MUC12: variants seen among roughly 807,000 people sequenced by gnomAD.
The protein encoded by MUC12 is mucin 12, cell surface associated, also known as mucin-12.
MUC12 carries 172 observed loss-of-function variants against 230.8 expected under a neutral mutation model. The ratio of observed to expected loss-of-function variants is 0.75; its 90% CI spans 0.66 to 0.85. The LOEUF (loss-of-function observed/expected upper bound fraction) is 0.85, where lower values mean the gene tolerates loss of function less well. MUC12 is among the 40% of genes least tolerant of loss of function. The pLI, the probability that MUC12 is intolerant of heterozygous loss-of-function variation, is 0.00. For missense variants in MUC12, 3,506 were observed against 5,920.6 expected, an observed-to-expected ratio of 0.59 and a Z score of 13.38; for synonymous variants, 1,259 against 2,401.9, an observed-to-expected ratio of 0.52 and a Z score of 13.91.
intron 1 of MUC12, among the ~76,000 whole-genome samples, chr7:100,973,407 G>GATGGGTCCAGTGCC (rs1466771915): frequency 1.5e-5 from 1 of 66,738 alleles, no homozygotes; most frequent in Non-Finnish European, 3.0e-5. Flanking sequence ...GGGCTTCTAG[G>GATGGGTCCAGTGCC]ATGGGTCCAG....
At chr7:100,980,037 T>G (rs995414490) in intron 1 of MUC12, among the ~76,000 whole-genome samples, 2 of 151,576 alleles carry the variant, frequency 1.3e-5, no homozygotes, top group African/African-American at 4.8e-5. Flanking sequence ...CTCTTTTTTT[T>G]TTTTCGTTGT....
Position 101,005,160 on chromosome 7 carries a change from C to G in MUC12, c.14597C>G (p.Ser4866Cys). ...SPGSTETTAFSHSNTMSIHSQ... is the reference protein window; with the variant it reads ...SPGSTETTAFCHSNTMSIHSQ... ...GGCTCAACTGAAACCACAGCGTTTT[C>G]TCACAGCAACACAATGTCCATTCAT... Residue 4866 changes from serine to cysteine, a missense_variant, in exon 2 of 12, where the codon TCT (serine) becomes TGT (cysteine). By Grantham distance (112) the Ser-to-Cys change is moderately radical. Transcript: ENST00000536621. The G allele has an allele frequency of 6.5e-7, 1 of 1,537,980 alleles. No individual in the cohort carries two copies. The highest frequency in any genetic ancestry group is 8.7e-7 in the Non-Finnish European group (1 of 1,147,076).
Position 100,991,534 on chromosome 7 carries a change from T to C in MUC12, c.971T>C (p.Leu324Ser), listed in dbSNP as rs879025690. Residue 324 changes from leucine (L) to serine (S), a missense_variant, in exon 2 of 12, where the codon TTG (leucine) becomes TCG (serine). Transcript: ENST00000536621. ...CACTTTTCTGCCAGCTCCACAACCT[T>C]GGGCCATAGTGAGGAATCGACACCA... The part of the protein sequence containing the change: ...TTHFSASSTT[L>S]GHSEESTPVH... The C allele has an allele frequency of 1.7e-5, 26 of 1,536,528 alleles. No homozygotes were observed. In the Admixed American group the frequency reaches 3.7e-4, roughly 22 times the overall value.
In MUC12 at chr7:101,004,528, T is replaced by C. The variant is rs1328541405; in HGVS notation, c.13965T>C (p.Pro4655=). The change falls in exon 2 of 12, where the codon CCT becomes CCC. Residue 4655 remains proline, a synonymous_variant. Coordinates refer to ENST00000536621, the MANE Select transcript of MUC12 (RefSeq NM_001164462.2). The part of the protein sequence containing the change: ...PSTTSALVEE[P]TSYHSSPGSI... ...CCACATCTGCCCTTGTTGAAGAACC[T>C]ACCAGCTACCACAGCAGCCCGGGCT... The C allele has an allele frequency of 5.9e-6, 9 of 1,535,834 alleles. No individual in the cohort carries two copies. In the East Asian group the frequency reaches 1.5e-4, roughly 25 times the overall value.
rs759563737 is a variant in MUC12, at chr7:100,990,821, C to A, written c.258C>A (p.Ser86Arg). The change falls in exon 2 of 12, where the codon AGC becomes AGA. Residue 86 changes from serine (S) to arginine (R), a missense_variant. By Grantham distance (110) the Ser-to-Arg change is moderately radical. Transcript: ENST00000536621. The part of the protein sequence containing the change: ...GHSEESTVSH[S>R]GPGATGTTLF... ...GTGAGGAATCAACAGTATCCCACAG[C>A]GGCCCAGGTGCAACTGGAACAACAC... The A allele has an allele frequency of 4.6e-6, 7 of 1,537,840 alleles. No homozygotes were observed. Among genetic ancestry groups the A allele is most frequent in the Non-Finnish European group, 6.1e-6 (7 of 1,147,038 alleles).
intron 1 of MUC12, among the ~76,000 whole-genome samples, chr7:100,975,680 C>G (rs1453408929): frequency 1.4e-5 from 1 of 69,822 alleles, no homozygotes; most frequent in African/African-American, 5.1e-5. Flanking sequence ...GGCCCTTCCA[C>G]CTGGGCTGAT....
intron 1 of MUC12, 33 bp downstream of exon 1, chr7:100,969,722 G>A (rs1792809126): frequency 3.3e-6 from 5 of 1,537,214 alleles, no homozygotes; most frequent in Non-Finnish European, 4.4e-6. Context: ...TCCAGGTCCA[G>A]TGCTCCTGGG....
intron 1 of MUC12, among the ~76,000 whole-genome samples, chr7:100,986,220 T>C (rs1363087323): frequency 6.6e-6 from 1 of 151,842 alleles, no homozygotes; most frequent in African/African-American, 2.4e-5. Flanking sequence ...TTAAAATTAG[T>C]GGGGCATGGT....
chr7:101,002,792 T>C lies in MUC12; in HGVS notation c.12229T>C (p.Ser4077Pro), dbSNP rs747488346. ...CACAAGCACTGGCCTTCAGGAAGAA[T>C]CTACCACTTTCCAGAGCTGGCCAAG... ...SSTSTGLQEESTTFQSWPSSS... is the reference protein window; with the variant it reads ...SSTSTGLQEEPTTFQSWPSSS... Residue 4077 changes from serine (S) to proline (P), a missense_variant, in exon 2 of 12, where the codon TCT (serine) becomes CCT (proline). By Grantham distance (74) the Ser-to-Pro change is moderately conservative. Transcript: ENST00000536621. 3 of 1,178,552 alleles carry C rather than the reference T, an allele frequency of 2.5e-6. No homozygotes were observed. Among genetic ancestry groups the C allele is most frequent in the Admixed American group, 2.2e-5 (1 of 44,702 alleles). The allele number at this position is 1,178,552 out of a possible 1,614,324, so 73.0% of individuals were successfully genotyped here. A position where few individuals can be genotyped will look rare whatever the true frequency, so the allele number is the denominator to read the frequency against.
At chr7:101,014,096 C>T (rs748540614) in intron 9 of MUC12, 22 bp downstream of exon 9, 92 of 1,514,172 alleles carry the variant, frequency 6.1e-5, no homozygotes, top group East Asian at 5.7e-4. Flanking sequence ...AGGCCAGCAC[C>T]GCAGGCCCAC....
At chr7:100,989,160 G>A (rs1003175055) in intron 1 of MUC12, among the ~76,000 whole-genome samples, 7 of 148,696 alleles carry the variant, frequency 4.7e-5, no homozygotes, top group African/African-American at 1.7e-4. Flanking sequence ...GAGTGCAGTG[G>A]TGCGATCTCA....
In MUC12 at chr7:101,005,169, A is replaced by G; in HGVS notation, c.14606A>G (p.Asn4869Ser). 2.6e-6 allele frequency: 4 copies of G among 1,537,598 alleles called. No homozygotes were observed. The highest frequency in any genetic ancestry group is 3.5e-6 in the Non-Finnish European group (4 of 1,146,986). The change falls in exon 2 of 12, where the codon AAC (asparagine) becomes AGC (serine). Residue 4869 changes from asparagine to serine, a missense_variant. Transcript: ENST00000536621. ...STETTAFSHS[N>S]TMSIHSQQST... ...GAAACCACAGCGTTTTCTCACAGCA[A>G]CACAATGTCCATTCATAGTCAACAA... is the stretch of plus-strand genomic sequence containing the variant.
At position 100,991,906 on chromosome 7, in the gene MUC12, C is replaced by G. The variant is rs369253572; in HGVS notation, c.1343C>G (p.Ala448Gly). The G allele has an allele frequency of 6.5e-7, 1 of 1,536,956 alleles. No homozygotes were observed. Among genetic ancestry groups the G allele is most frequent in the African/African-American group, 1.4e-5 (1 of 72,642 alleles). Residue 448 changes from alanine (A) to glycine (G), a missense_variant, in exon 2 of 12, where the codon GCA becomes GGA. Ala to Gly is a moderately conservative substitution (Grantham distance 60, BLOSUM62 0). Transcript: ENST00000536621. ...TCCCACAGCAGCCCAGATGCAATGG[C>G]AACAACAGTCTTACCTGCCGGCTCT... ...KASHSSPDAMATTVLPAGSTP... is the reference protein window; with the variant it reads ...KASHSSPDAMGTTVLPAGSTP...
intron 1 of MUC12, among the ~76,000 whole-genome samples, chr7:100,970,511 AAGAG>A (rs1230832605): frequency 6.6e-6 from 1 of 151,614 alleles, no homozygotes; most frequent in Non-Finnish European, 1.5e-5. Context: ...GAGAGAAAGA[AAGAG>A]AGAAATAAAG....
chr7:101,007,796 A>ATT (rs1230121522), intron 3 of MUC12, among the ~76,000 whole-genome samples: 1 of 151,774 alleles, frequency 6.6e-6, no homozygotes, highest in Non-Finnish European at 1.5e-5. Flanking sequence ...TGGTAGCTCT[A>ATT]TTTTTATTTT....
chr7:100,975,695 G>C (rs1031749511), intron 1 of MUC12, among the ~76,000 whole-genome samples: 2 of 152,428 alleles, frequency 1.3e-5, no homozygotes, highest in South Asian at 4.1e-4. Flanking sequence ...GCTGATGAGG[G>C]TACAGGGAGA....
intron 5 of MUC12, 58 bp from the exon 6 acceptor site, chr7:101,012,238 C>A: frequency 6.6e-7 from 1 of 1,522,696 alleles, no homozygotes; most frequent in Non-Finnish European, 8.8e-7. Flanking sequence ...GGTGCTTGGG[C>A]TCCACTTGCT....
At position 100,991,380 on chromosome 7, in the gene MUC12, G is replaced by T; in HGVS notation, c.817G>T (p.Gly273Ter). ...LSPSSSTTHEGEPTTFQSWPS... is the reference protein window; with the variant it reads ...LSPSSSTTHE ...CCCTTCCAGCTCTACAACCCATGAG[G>T]GAGAACCTACCACCTTCCAGAGCTG... The change falls in exon 2 of 12, where the codon GGA becomes TGA. Residue 273 changes from glycine to a stop codon, truncating the protein, a stop_gained. Coordinates refer to ENST00000536621, the MANE Select transcript of MUC12 (RefSeq NM_001164462.2). LOFTEE classifies it high-confidence loss of function. The T allele has an allele frequency of 6.5e-7, 1 of 1,537,756 alleles. No individual in the cohort carries two copies. Among genetic ancestry groups the T allele is most frequent in the Non-Finnish European group, 8.7e-7 (1 of 1,147,042 alleles).
intron 1 of MUC12, among the ~76,000 whole-genome samples, chr7:100,971,411 G>T (rs1226961277): frequency 1.3e-5 from 2 of 152,232 alleles, no homozygotes; most frequent in East Asian, 3.9e-4. Flanking sequence ...GGTGGTGAGG[G>T]GGCAGGGGAG....
Sources: allele counts gnomAD v4.1 joint callset (sites outside exome capture counted in the v4.1 genomes callset), GRCh38; gene constraint gnomAD v4.1.1; transcripts MANE v1.5; gene names NCBI Gene and HGNC (gene_info 2026-07-23, HGNC 2026-07-21).